The following ATXN1 variants were observed in gnomAD, a reference collection of about 807,000 sequenced individuals.
ATXN1 encodes the protein ataxin 1.
In ATXN1, 8 loss-of-function variants were observed where a neutral mutation model predicts 56.4. The ratio of observed to expected loss-of-function variants is 0.14; its 90% CI spans 0.08 to 0.26. ATXN1 has a LOEUF of 0.26. Ranked by LOEUF, ATXN1 falls within the 10% of genes least tolerant of loss-of-function variation. The pLI, the probability that ATXN1 is intolerant of heterozygous loss-of-function variation, is 1.00. For synonymous variants in ATXN1, 514 were observed against 494.6 expected (o/e 1.04, Z -0.52); for missense variants, 987 against 1,106.5 (o/e 0.89, Z 1.53).
chr6:16,313,896 G>A (rs188865278), intron 7 of ATXN1, among the ~76,000 whole-genome samples: 1 of 152,238 alleles, frequency 6.6e-6, no homozygotes, highest in Non-Finnish European at 1.5e-5. Flanking sequence ...ACCTAGATAG[G>A]CTTGGGAGAT....
At chr6:16,452,915 T>C (rs1759782011) in intron 6 of ATXN1, among the ~76,000 whole-genome samples, 1 of 152,256 alleles carries the variant, frequency 6.6e-6, no homozygotes, top group South Asian at 2.1e-4. Context: ...TAAACCTACT[T>C]TAGCTGACTA....
At chr6:16,494,311 C>T (rs951442675) in intron 5 of ATXN1, among the ~76,000 whole-genome samples, 1 of 152,134 alleles carries the variant, frequency 6.6e-6, no homozygotes, top group Non-Finnish European at 1.5e-5. Context: ...TGGGAGTTAT[C>T]CATTGTAAAA....
At chr6:16,661,538 C>T (rs893410516) in intron 2 of ATXN1, among the ~76,000 whole-genome samples, 1 of 152,200 alleles carries the variant, frequency 6.6e-6, no homozygotes, top group African/African-American at 2.4e-5. Context: ...AGGATGGCTT[C>T]CAGTGATCCC....
At chr6:16,602,624 G>C (rs571876768) in intron 3 of ATXN1, among the ~76,000 whole-genome samples, 12 of 151,916 alleles carry the variant, frequency 7.9e-5, no homozygotes, top group South Asian at 2.1e-4. Flanking sequence ...GCTAATTTTT[G>C]TATTTTTAGT....
intron 6 of ATXN1, among the ~76,000 whole-genome samples, chr6:16,356,497 T>C (rs1320894740): frequency 6.6e-6 from 1 of 152,226 alleles, no homozygotes; most frequent in Non-Finnish European, 1.5e-5. Context: ...GAATCTAAAG[T>C]TGAGGCTCAC....
Position 16,455,610 on chromosome 6 carries a change from G to A in ATXN1, c.-161+30362C>T, listed in dbSNP as rs115402311. ...AAAACTTAAGTCCACACAAAAACCTGCACTCAAATGTTTATAGCAGCTTCA... is the reference window on the plus strand; with the variant it reads ...AAAACTTAAGTCCACACAAAAACCTACACTCAAATGTTTATAGCAGCTTCA... On this transcript the variant is annotated intron_variant, in intron 6 of 7. Transcript: ENST00000436367. Among the ~76,000 whole-genome samples the A allele has an allele frequency of 2.9e-3, 448 of 152,264 alleles. 2 individuals carry two copies. Among genetic ancestry groups the A allele is most frequent in the African/African-American group, 0.01 (428 of 41,544 alleles).
Position 16,671,305 on chromosome 6 carries a change from C to CTTTTTTTTT in ATXN1, c.-614-13405_-614-13404insAAAAAAAAA, listed in dbSNP as rs142311437. Reference sequence around the variant, plus strand: ...TGTACACAATTGGCACTTTTCTTTTCTTTCTTTTTTTTTTTTTTTGCAGTA... The same window carrying CTTTTTTTTT: ...TGTACACAATTGGCACTTTTCTTTTCTTTTTTTTTTTTCTTTTTTTTTTTTTTTGCAGTA... On this transcript the variant is annotated intron_variant, in intron 2 of 7. Coordinates refer to ENST00000436367, the MANE Select transcript of ATXN1 (RefSeq NM_001128164.2). Among the ~76,000 whole-genome samples, 5 of 73,512 alleles carry CTTTTTTTTT rather than the reference C, an allele frequency of 6.8e-5. 2 individuals are homozygous for CTTTTTTTTT. Among genetic ancestry groups the CTTTTTTTTT allele is most frequent in the Non-Finnish European group, 7.4e-5 (3 of 40,356 alleles). 48.2% of individuals were successfully genotyped at this position (73,512 alleles called of 152,430 possible).
At chr6:16,556,630 G>A (rs1286045098) in intron 4 of ATXN1, among the ~76,000 whole-genome samples, 2 of 152,108 alleles carry the variant, frequency 1.3e-5, no homozygotes, top group East Asian at 3.8e-4. Context: ...ACGCCAAATG[G>A]ACAATAAACA....
chr6:16,355,035 C>T (rs1433012556), intron 6 of ATXN1, among the ~76,000 whole-genome samples: 2 of 152,224 alleles, frequency 1.3e-5, no homozygotes, highest in Admixed American at 6.5e-5. Flanking sequence ...TTCTTTTTCT[C>T]CTCTCTTGGT....
At chr6:16,523,761 G>A (rs192385981) in intron 4 of ATXN1, among the ~76,000 whole-genome samples, 29 of 152,294 alleles carry the variant, frequency 1.9e-4, no homozygotes, top group African/African-American at 6.3e-4. Context: ...AAGCCACAGT[G>A]TCTGAGATAC....
chr6:16,352,999 C>T (rs768960590), intron 6 of ATXN1, among the ~76,000 whole-genome samples: 1 of 152,072 alleles, frequency 6.6e-6, no homozygotes, highest in Admixed American at 6.5e-5. Flanking sequence ...GACTCACCGG[C>T]GGGGAGCGCT....
chr6:16,470,794 G>A (rs559775286), intron 6 of ATXN1, among the ~76,000 whole-genome samples: 3 of 152,206 alleles, frequency 2.0e-5, no homozygotes, highest in East Asian at 1.9e-4. Context: ...GGGAGTGTGA[G>A]TCCAGCCTGG....
chr6:16,364,693 T>G (rs1761879737), intron 6 of ATXN1, among the ~76,000 whole-genome samples: 1 of 152,212 alleles, frequency 6.6e-6, no homozygotes, highest in Non-Finnish European at 1.5e-5. Flanking sequence ...ACCCAGGCAT[T>G]GAGCCCAATA....
intron 6 of ATXN1, among the ~76,000 whole-genome samples, chr6:16,465,285 C>T (rs1424931516): frequency 6.6e-6 from 1 of 152,064 alleles, no homozygotes; most frequent in African/African-American, 2.4e-5. Flanking sequence ...GGTGAAACCC[C>T]GTCTCTACTA....
At chr6:16,498,076 A>T (rs2113670484) in intron 5 of ATXN1, among the ~76,000 whole-genome samples, 1 of 152,302 alleles carries the variant, frequency 6.6e-6, no homozygotes, top group Non-Finnish European at 1.5e-5. Context: ...CATGTTGAAC[A>T]ACCATCATCA....
intron 6 of ATXN1, among the ~76,000 whole-genome samples, chr6:16,339,396 A>G (rs552960571): frequency 1.3e-5 from 2 of 152,328 alleles, no homozygotes; most frequent in African/African-American, 4.8e-5. Context: ...ATGCCTCCAG[A>G]TAATTCATAA....
In ATXN1 at chr6:16,326,721, G is replaced by A. The variant is rs141779634; in HGVS notation, c.1590C>T (p.Ser530=). The part of the protein sequence containing the change: ...HTFVTTALPK[S]ENFNPEALVT... Reference sequence around the variant, plus strand: ...CCAGGGCCTCAGGGTTGAAGTTCTCGCTCTTGGGAAGGGCGGTGGTGACGA... The same window carrying A: ...CCAGGGCCTCAGGGTTGAAGTTCTCACTCTTGGGAAGGGCGGTGGTGACGA... The change falls in exon 7 of 8, where the codon AGC becomes AGT. Residue 530 remains serine (S), a synonymous_variant. Transcript: ENST00000436367. The surrounding 1 kb of genome is among the most constrained non-coding windows in gnomAD (Gnocchi z 6.6). The A allele has an allele frequency of 1.2e-5, 19 of 1,613,450 alleles. No homozygotes were observed. The highest frequency in any genetic ancestry group is 1.6e-4 in the Middle Eastern group (1 of 6,084).
intron 5 of ATXN1, among the ~76,000 whole-genome samples, chr6:16,500,516 G>A (rs1047283701): frequency 2.0e-5 from 3 of 152,030 alleles, no homozygotes; most frequent in Non-Finnish European, 2.9e-5. Context: ...TACCTCTGTC[G>A]GTTACTATTT....
intron 2 of ATXN1, among the ~76,000 whole-genome samples, chr6:16,687,657 T>TACACACACACATACACACACAC (rs374530653): frequency 7.7e-5 from 11 of 143,294 alleles, no homozygotes; most frequent in African/African-American, 2.9e-4. Flanking sequence ...AAAGAAGAAA[T>TACACACACACATACACACACAC]ACACACACAC....
Sources: gnomAD v4.1 joint callset for allele counts (sites outside exome capture counted in the v4.1 genomes callset) on GRCh38, gnomAD v4.1.1 for gene constraint, Gnocchi (gnomAD v3.1) non-coding constraint, MANE v1.5 for transcripts, NCBI Gene and HGNC (gene_info 2026-07-23, HGNC 2026-07-21) for gene names.